Variants in USP34 observed in about 807,000 individuals in gnomAD.
USP34 encodes the protein ubiquitin specific peptidase 34.
In USP34, 70 loss-of-function variants were observed where a neutral mutation model predicts 460.3. That is an observed-to-expected ratio of 0.15 (90% confidence interval 0.13 to 0.19). The LOEUF (loss-of-function observed/expected upper bound fraction) is 0.19, where lower values mean the gene tolerates loss of function less well. Among genes scored for constraint, USP34 ranks in the 10% least tolerant of loss-of-function variants. The pLI is 1.00. For synonymous variants in USP34, 1,647 were observed against 1,405.3 expected (o/e 1.17, Z -3.85); for missense variants, 3,985 against 4,236.2 (o/e 0.94, Z 1.65).
At chr2:61,361,998 C>T (rs913450645) in intron 10 of USP34, among the ~76,000 whole-genome samples, 58 of 151,734 alleles carry the variant, frequency 3.8e-4, no homozygotes, top group African/African-American at 1.3e-3. Flanking sequence ...AATAAATAAC[C>T]CTATGTAGGG....
chr2:61,227,133 C>T lies in USP34; in HGVS notation c.7529G>A (p.Arg2510Lys). The T allele has an allele frequency of 6.2e-7, 1 of 1,614,010 alleles. No homozygotes were observed. The highest frequency in any genetic ancestry group is 1.1e-5 in the South Asian group (1 of 91,064). The change falls in exon 62 of 80, where the codon AGG becomes AAG. Residue 2510 changes from arginine to lysine, a missense_variant. By Grantham distance (26) the Arg-to-Lys change is conservative. Coordinates refer to ENST00000398571, the MANE Select transcript of USP34 (RefSeq NM_014709.4). ...TATCATCTTTTCAAGGGCAGCTGGCCTGTATTTTTCTTCTGCCAGAGAGAG... is the reference window on the plus strand; with the variant it reads ...TATCATCTTTTCAAGGGCAGCTGGCTTGTATTTTTCTTCTGCCAGAGAGAG... ...DILSLAEEKYRPAALEKMIAL... is the reference protein window; with the variant it reads ...DILSLAEEKYKPAALEKMIAL...
intron 75 of USP34, among the ~76,000 whole-genome samples, chr2:61,195,350 T>C (rs1176615355): frequency 7.3e-6 from 1 of 137,726 alleles, no homozygotes; most frequent in African/African-American, 2.9e-5. Context: ...CGGCTGGCTT[T>C]TACATTTTTA....
intron 78 of USP34, 197 bp downstream of exon 78, chr2:61,190,074 A>G (rs1000339052): frequency 7.7e-6 from 4 of 518,536 alleles, no homozygotes; most frequent in Non-Finnish European, 1.3e-5. Context: ...ACCAGCTTGT[A>G]GCTTCCAAGG....
intron 27 of USP34, among the ~76,000 whole-genome samples, chr2:61,307,309 C>T (rs1338176423): frequency 9.1e-6 from 1 of 109,790 alleles, no homozygotes; most frequent in South Asian, 2.9e-4. Context: ...ACACCGGGGC[C>T]TGTCATGGGG....
In USP34 at chr2:61,249,944, T is replaced by C. The variant is rs137948153; in HGVS notation, c.6222-1261A>G. ...GCTGCTGAAACAGCCAGCCATAGCATTGGAGAGAAAAACAGCTCTCAGGCT... is the reference window on the plus strand; with the variant it reads ...GCTGCTGAAACAGCCAGCCATAGCACTGGAGAGAAAAACAGCTCTCAGGCT... On this transcript the variant is annotated intron_variant, in intron 48 of 79. Coordinates refer to ENST00000398571, the MANE Select transcript of USP34 (RefSeq NM_014709.4). 458 of 167,384 alleles carry C rather than the reference T, an allele frequency of 2.7e-3. 1 individual carries two copies. Among genetic ancestry groups the C allele is most frequent in the African/African-American group, 1.0e-2 (417 of 41,736 alleles). The allele number at this position is 167,384 out of a possible 1,614,324, so 10.4% of individuals were successfully genotyped here. A position where few individuals can be genotyped will look rare whatever the true frequency, so the allele number is the denominator to read the frequency against.
chr2:61,455,541 G>A (rs572942600), intron 1 of USP34, among the ~76,000 whole-genome samples: 1 of 152,048 alleles, frequency 6.6e-6, no homozygotes, highest in Admixed American at 6.6e-5. Flanking sequence ...ATGAATCTGA[G>A]TCAGGAGGAT....
At chr2:61,230,585 G>A (rs1572854019) in intron 58 of USP34, among the ~76,000 whole-genome samples, 1 of 152,252 alleles carries the variant, frequency 6.6e-6, no homozygotes, top group African/African-American at 2.4e-5. Flanking sequence ...TGCAGTGGCT[G>A]TAGTAACAGC....
chr2:61,461,043 T>C (rs1695583910), intron 1 of USP34, among the ~76,000 whole-genome samples: 1 of 151,270 alleles, frequency 6.6e-6, no homozygotes, highest in African/African-American at 2.4e-5. Context: ...TGTTATTTCA[T>C]TCTTATTAAT....
chr2:61,276,295 G>A (rs991589472), intron 41 of USP34, among the ~76,000 whole-genome samples: 1 of 152,054 alleles, frequency 6.6e-6, no homozygotes, highest in Non-Finnish European at 1.5e-5. Flanking sequence ...AGTAAATAAT[G>A]GGACAAGTAT....
In USP34 at chr2:61,228,637, G is replaced by A. The variant is rs1191640601; in HGVS notation, c.7443+8C>T. On this transcript the variant is annotated splice_region_variant and intron_variant, in intron 61 of 79. Coordinates refer to ENST00000398571, the MANE Select transcript of USP34 (RefSeq NM_014709.4). Reference sequence around the variant, plus strand: ...CTAATACCTAATGTACGATAGAACTGTACTTACATTTTCAGGTCCTTTTGT... The same window carrying A: ...CTAATACCTAATGTACGATAGAACTATACTTACATTTTCAGGTCCTTTTGT... The A allele has an allele frequency of 1.9e-6, 3 of 1,608,784 alleles. No individual in the cohort carries two copies. Among genetic ancestry groups the A allele is most frequent in the Middle Eastern group, 1.7e-4 (1 of 6,042 alleles).
intron 29 of USP34, among the ~76,000 whole-genome samples, chr2:61,299,309 G>T (rs969071595): frequency 1.3e-5 from 2 of 152,126 alleles, no homozygotes; most frequent in Admixed American, 1.3e-4. Context: ...CATTTTACCT[G>T]CCTCTCAATC....
At position 61,305,063 on chromosome 2, in the gene USP34, C is replaced by G. The variant is rs148414316; in HGVS notation, c.3818-3609G>C. On this transcript the variant is annotated intron_variant, in intron 27 of 79. Transcript: ENST00000398571. Reference sequence around the variant, plus strand: ...GACGTAGGACGGGTGTGGTGGCTCACGCCTGTAATCCCAGCACTTTGGGAG... The same window carrying G: ...GACGTAGGACGGGTGTGGTGGCTCAGGCCTGTAATCCCAGCACTTTGGGAG... Among the ~76,000 whole-genome samples the G allele has an allele frequency of 4.3e-3, 658 of 152,152 alleles. 7 individuals carry two copies. The highest frequency in any genetic ancestry group is 6.7e-3 in the Non-Finnish European group (456 of 67,992).
At chr2:61,199,278 G>A (rs540285608) in intron 75 of USP34, among the ~76,000 whole-genome samples, 4 of 150,374 alleles carry the variant, frequency 2.7e-5, no homozygotes, top group Admixed American at 6.6e-5. Context: ...TTTTTGAGAC[G>A]GAGTTTCACT....
chr2:61,455,805 A>G (rs1695420630), intron 1 of USP34, among the ~76,000 whole-genome samples: 1 of 152,224 alleles, frequency 6.6e-6, no homozygotes, highest in African/African-American at 2.4e-5. Flanking sequence ...GTTGATATGC[A>G]TTATCTTATT....
intron 75 of USP34, among the ~76,000 whole-genome samples, chr2:61,194,647 G>A (rs1379155120): frequency 6.6e-6 from 1 of 152,152 alleles, no homozygotes. Context: ...TGCAGGCTGG[G>A]ACAATTTTCT....
chr2:61,229,331 A>C (rs1687816836), intron 59 of USP34, among the ~76,000 whole-genome samples: 1 of 151,988 alleles, frequency 6.6e-6, no homozygotes, highest in Non-Finnish European at 1.5e-5. Flanking sequence ...TAAGAAACTT[A>C]AAAATTAGGG....
intron 13 of USP34, 75 bp from the exon 14 acceptor site, chr2:61,348,961 G>A: frequency 1.4e-6 from 2 of 1,470,656 alleles, no homozygotes; most frequent in Admixed American, 4.5e-5. Context: ...ATTATCATTT[G>A]ATTCCTTGAC....
chr2:61,267,125 C>A (rs62152270), intron 41 of USP34, among the ~76,000 whole-genome samples: 33,358 of 152,118 alleles, frequency 0.22, 3,749 homozygotes, highest in South Asian at 0.33. Flanking sequence ...TGGAAGACAA[C>A]CCTTGGTTAA....
intron 10 of USP34, among the ~76,000 whole-genome samples, chr2:61,368,520 C>T (rs141346390): frequency 6.6e-6 from 1 of 152,034 alleles, no homozygotes; most frequent in East Asian, 1.9e-4. Flanking sequence ...TTACCAATCC[C>T]TGGTATAGAT....
Sources: allele counts gnomAD v4.1 joint callset (sites outside exome capture counted in the v4.1 genomes callset), GRCh38; gene constraint gnomAD v4.1.1; transcripts MANE v1.5; gene names NCBI Gene and HGNC (gene_info 2026-07-23, HGNC 2026-07-21).